Variants in MAP3K5 observed in about 807,000 individuals in gnomAD.
MAP3K5 encodes the protein mitogen-activated protein kinase kinase kinase 5, also known as ASK-1.
A neutral mutation model predicts 158.7 loss-of-function variants in MAP3K5; 56 were observed. That is an observed-to-expected ratio of 0.35 (90% CI 0.28 to 0.44). The LOEUF is 0.44. Among genes scored for constraint, MAP3K5 ranks in the 20% least tolerant of loss-of-function variants. The probability of loss-of-function intolerance (pLI) is 1.00; values close to 1 mark genes in which losing one functional copy is unlikely to be tolerated. For synonymous variants in MAP3K5, 579 were observed against 601.7 expected (o/e 0.96, Z 0.55); for missense variants, 1,294 against 1,674.8 (o/e 0.77, Z 3.97).
chr6:136,587,459 A>T (rs945720851), intron 23 of MAP3K5, among the ~76,000 whole-genome samples: 1 of 152,238 alleles, frequency 6.6e-6, no homozygotes, highest in African/African-American at 2.4e-5. Flanking sequence ...CCTCTATCAT[A>T]GATGAGGAGG....
intron 1 of MAP3K5, among the ~76,000 whole-genome samples, chr6:136,752,018 CT>C (rs1230738313): frequency 6.6e-6 from 1 of 152,138 alleles, no homozygotes; most frequent in African/African-American, 2.4e-5. Flanking sequence ...ATTCTAGAGC[CT>C]TTTTCTCAGT....
At chr6:136,658,366 A>ATGC (rs1778857954) in intron 9 of MAP3K5, among the ~76,000 whole-genome samples, 1 of 127,574 alleles carries the variant, frequency 7.8e-6, no homozygotes. Context: ...CCAGGTTGAA[A>ATGC]TGCAGTGGCG....
At chr6:136,759,483 A>ATATATATATATATATATATATAT (rs1562681271) in intron 1 of MAP3K5, among the ~76,000 whole-genome samples, 6 of 56,172 alleles carry the variant, frequency 1.1e-4, no homozygotes, top group African/African-American at 2.5e-4. Context: ...TATATATATA[A>ATATATATATATATATATATATAT]AGTTTGAGAC....
chr6:136,624,334 T>C lies in MAP3K5; in HGVS notation c.2017-1353A>G, dbSNP rs183955660. Among the ~76,000 whole-genome samples the C allele has an allele frequency of 1.4e-4, 21 of 152,306 alleles. No individual in the cohort carries two copies. In the East Asian group the frequency reaches 1.7e-3, roughly 13 times the overall value. On this transcript the variant is annotated intron_variant, in intron 14 of 29. Transcript: ENST00000359015. ...CCTTGAAATATAAAAGCAGAGTTGATAAAATTTCAAAGAAAAATACACAAA... is the reference window on the plus strand; with the variant it reads ...CCTTGAAATATAAAAGCAGAGTTGACAAAATTTCAAAGAAAAATACACAAA...
Position 136,767,553 on chromosome 6 carries a change from G to A in MAP3K5, c.448+24157C>T, listed in dbSNP as rs74681629. On this transcript the variant is annotated intron_variant, in intron 1 of 29. Transcript: ENST00000359015. ...AGTCACTAGGTAAGAAGCAAAACTT[G>A]AGTCCAGCTGTCATGAAAATCAAGA... is the stretch of plus-strand genomic sequence containing the variant. Among the ~76,000 whole-genome samples the A allele has an allele frequency of 4.6e-3, 704 of 152,070 alleles. 4 individuals are homozygous for A. The highest frequency in any genetic ancestry group is 0.016 in the African/African-American group (666 of 41,456).
chr6:136,721,689 A>G (rs11752550), intron 1 of MAP3K5, among the ~76,000 whole-genome samples: 50,477 of 152,076 alleles, frequency 0.33, 10,367 homozygotes, highest in East Asian at 0.45. Flanking sequence ...TGCTCCAAGT[A>G]CATTAATTAA....
intron 12 of MAP3K5, among the ~76,000 whole-genome samples, chr6:136,642,016 AAAT>A (rs1317110327): frequency 2.2e-5 from 1 of 45,618 alleles, no homozygotes; most frequent in Admixed American, 2.5e-4. Context: ...AAAATAAAAT[AAAT>A]AAAATAAAAT....
At chr6:136,611,444 G>A in intron 17 of MAP3K5, 57 bp from the exon 18 acceptor site, 3 of 969,996 alleles carry the variant, frequency 3.1e-6, no homozygotes, top group Non-Finnish European at 4.9e-6. Context: ...ACTGTCTGTT[G>A]TTGACTTGGT....
chr6:136,562,493 T>C lies in MAP3K5; in HGVS notation c.3874+10A>G, dbSNP rs749882021. ...TGAACAGTATTACTATAAAACTTTC[T>C]GCTATTCACCTATGGGTTGGGACTT... On this transcript the variant is annotated intron_variant, in intron 27 of 29. Transcript: ENST00000359015. 1 of 1,444,962 alleles carries C rather than the reference T, an allele frequency of 6.9e-7. No individual in the cohort carries two copies. The highest frequency in any genetic ancestry group is 9.5e-7 in the Non-Finnish European group (1 of 1,056,056). 89.5% of individuals were successfully genotyped at this position (1,444,962 alleles called of 1,614,324 possible). A position where few individuals can be genotyped will look rare whatever the true frequency, so the allele number is the denominator to read the frequency against.
chr6:136,624,531 T>C (rs1478534571), intron 14 of MAP3K5, among the ~76,000 whole-genome samples: 3 of 152,178 alleles, frequency 2.0e-5, no homozygotes, highest in East Asian at 1.9e-4. Context: ...AAATATATTA[T>C]AACTGATTAC....
At chr6:136,733,178 T>C (rs1782300172) in intron 1 of MAP3K5, among the ~76,000 whole-genome samples, 1 of 152,198 alleles carries the variant, frequency 6.6e-6, no homozygotes, top group South Asian at 2.1e-4. Context: ...CTATTTATTT[T>C]TTGTAGATAC....
intron 2 of MAP3K5, among the ~76,000 whole-genome samples, chr6:136,715,572 A>C (rs1425039709): frequency 3.3e-5 from 5 of 152,160 alleles, no homozygotes; most frequent in Non-Finnish European, 4.4e-5. Context: ...TTATAACACA[A>C]GTGTGTATAA....
In MAP3K5 at chr6:136,632,143, G is replaced by A. The variant is rs181829736; in HGVS notation, c.2016+5182C>T. On this transcript the variant is annotated intron_variant, in intron 14 of 29. Coordinates refer to ENST00000359015, the MANE Select transcript of MAP3K5 (RefSeq NM_005923.4). ...GGAAAGTGGAAAGGAGGCTGGCACC[G>A]CTGGACCACAGAGTGGAAAGGAAAG... Among the ~76,000 whole-genome samples, 17 of 152,314 alleles carry A rather than the reference G, an allele frequency of 1.1e-4. No homozygotes were observed. The East Asian group carries it at 2.7e-3, about 24-fold the overall frequency.
rs770921648 is a variant in MAP3K5 at position 136,698,614 on chromosome 6, G to A, written c.681C>T (p.Asp227=). 9.3e-6 allele frequency: 15 copies of A among 1,613,942 alleles called. No individual in the cohort carries two copies. In the African/African-American group the frequency reaches 1.7e-4, roughly 19 times the overall value. The change falls in exon 4 of 30, where the codon GAC becomes GAT. Residue 227 remains aspartate, a synonymous_variant. Transcript: ENST00000359015. ...ITPHNKVYCC[D]SSFMKGLTEL... is the part of the protein sequence containing the mutation. ...CTGTCAACCCCTTCATGAAGCTGCT[G>A]TCACAGCAGTAGACTTTGTTATGTG...
intron 1 of MAP3K5, among the ~76,000 whole-genome samples, chr6:136,770,052 T>A (rs1562691565): frequency 6.6e-6 from 1 of 152,146 alleles, no homozygotes; most frequent in Non-Finnish European, 1.5e-5. Flanking sequence ...TGCCTCTTCC[T>A]GCAATGGAAG....
chr6:136,762,136 A>G (rs1355591404), intron 1 of MAP3K5, among the ~76,000 whole-genome samples: 1 of 152,248 alleles, frequency 6.6e-6, no homozygotes, highest in Non-Finnish European at 1.5e-5. Context: ...TTAGCAGAGA[A>G]CAACACTGTC....
chr6:136,611,242 T>G (rs568332217), intron 18 of MAP3K5, 40 bp downstream of exon 18: 1 of 1,263,248 alleles, frequency 7.9e-7, no homozygotes, highest in South Asian at 1.2e-5. Flanking sequence ...AATTATTTCT[T>G]TAATTACATA....
intron 23 of MAP3K5, among the ~76,000 whole-genome samples, chr6:136,588,814 A>G (rs1321310577): frequency 1.3e-5 from 2 of 152,180 alleles, no homozygotes; most frequent in Non-Finnish European, 2.9e-5. Flanking sequence ...ACCGCCACGA[A>G]GCATGCATGA....
At chr6:136,780,836 G>T (rs1784583827) in intron 1 of MAP3K5, among the ~76,000 whole-genome samples, 1 of 152,016 alleles carries the variant, frequency 6.6e-6, no homozygotes, top group African/African-American at 2.4e-5. Context: ...TAAAAAGAAT[G>T]AGTCTGGTAG....
Sources: allele counts gnomAD v4.1 joint callset (sites outside exome capture counted in the v4.1 genomes callset), GRCh38; gene constraint gnomAD v4.1.1; transcripts MANE v1.5; gene names NCBI Gene and HGNC (gene_info 2026-07-23, HGNC 2026-07-21).